The following MSANTD7 variants were observed in gnomAD, a reference collection of about 807,000 sequenced individuals.
MSANTD7 encodes zinc finger and SCAN domain containing 29.
At chr10:14,846,249 T>G in the MSANTD7 span, 20 of 985,274 alleles carry the variant, frequency 2.0e-5, no homozygotes, top group Non-Finnish European at 2.4e-5. Flanking sequence ...GTAGGTAGAT[T>G]TTCTGGAAAC....
chr10:14,840,281 A>G, the MSANTD7 span: 1 of 386,010 alleles, frequency 2.6e-6, no homozygotes, highest in Non-Finnish European at 4.6e-6. Flanking sequence ...TGACTGAGTC[A>G]TTACAGAGAG....
the MSANTD7 span, among the ~76,000 whole-genome samples, chr10:14,840,991 G>A: frequency 1.3e-5 from 2 of 152,138 alleles, no homozygotes; most frequent in Non-Finnish European, 2.9e-5. Context: ...CTCGGCCCCA[G>A]GTTCTTTTCT....
the MSANTD7 span, chr10:14,843,717 C>G: frequency 4.5e-5 from 69 of 1,538,494 alleles, no homozygotes; most frequent in African/African-American, 8.1e-4. Context: ...AAAAACTGGA[C>G]AGGCTGATTG....
the MSANTD7 span, chr10:14,838,402 C>T: frequency 2.3e-5 from 37 of 1,603,602 alleles, no homozygotes; most frequent in Non-Finnish European, 3.0e-5. Context: ...CCTGCTGCCT[C>T]ATGGCGGCCA....
At chr10:14,840,756 G>A in the MSANTD7 span, among the ~76,000 whole-genome samples, 2 of 152,280 alleles carry the variant, frequency 1.3e-5, no homozygotes, top group South Asian at 4.1e-4. Flanking sequence ...ATAATAATTA[G>A]GGGTTTTCAT....
At chr10:14,844,806 G>C in the MSANTD7 span, 9 of 985,234 alleles carry the variant, frequency 9.1e-6, no homozygotes, top group Non-Finnish European at 1.1e-5. Context: ...GTTGCCATTG[G>C]AACATTGTGG....
chr10:14,845,064 T>TGCCTGCAATAGATGACTCCTTTTAA, the MSANTD7 span: 1 of 985,436 alleles, frequency 1.0e-6, no homozygotes, highest in Non-Finnish European at 1.2e-6. Context: ...GGATAAAGAT[T>TGCCTGCAATAGATGACTCCTTTTAA]GCCTGCAATA....
chr10:14,842,142 G>T, the MSANTD7 span: 5 of 1,534,016 alleles, frequency 3.3e-6, no homozygotes, highest in Non-Finnish European at 4.4e-6. The surrounding 1 kb of genome is among the most constrained non-coding windows in gnomAD (Gnocchi z 5.2). Flanking sequence ...AGCCAGAAAT[G>T]CGGTCCTTGG....
At chr10:14,838,387 C>G in the MSANTD7 span, 1 of 1,597,802 alleles carries the variant, frequency 6.3e-7, no homozygotes, top group Middle Eastern at 1.8e-4. Context: ...CCTGCCGCTG[C>G]CGTCCCTGCT....
the MSANTD7 span, chr10:14,846,056 A>T: frequency 1.0e-6 from 1 of 974,304 alleles, no homozygotes; most frequent in East Asian, 1.1e-4. Flanking sequence ...TTAAGGTAGC[A>T]TTCTGTGGTA....
the MSANTD7 span, chr10:14,845,597 TA>T: frequency 6.8e-5 from 59 of 863,736 alleles, no homozygotes; most frequent in African/African-American, 2.8e-4. Context: ...CTATTATTAT[TA>T]TTTTTTTTTT....
the MSANTD7 span, chr10:14,845,178 C>G: frequency 1.0e-6 from 1 of 985,298 alleles, no homozygotes; most frequent in Non-Finnish European, 1.2e-6. Flanking sequence ...CCGATTTACT[C>G]TAGAAGGGAA....
At chr10:14,838,625 C>A in the MSANTD7 span, 5 of 631,958 alleles carry the variant, frequency 7.9e-6, no homozygotes, top group African/African-American at 3.9e-5. Flanking sequence ...CCCGGCCTCG[C>A]GCCTGGCGAT....
the MSANTD7 span, chr10:14,845,141 G>T: frequency 1.0e-6 from 1 of 985,440 alleles, no homozygotes. Flanking sequence ...ACACACTGGG[G>T]AGAGATGAAG....
chr10:14,843,421 G>A, the MSANTD7 span: 4 of 1,550,872 alleles, frequency 2.6e-6, no homozygotes, highest in African/African-American at 1.4e-5. Flanking sequence ...CCTTTTCAGA[G>A]GTGCAGTTGC....
At chr10:14,839,762 T>C in the MSANTD7 span, 1 of 476,700 alleles carries the variant, frequency 2.1e-6, no homozygotes, top group Non-Finnish European at 3.9e-6. Flanking sequence ...AACGAGGAAA[T>C]TAAATGGTAA....
the MSANTD7 span, chr10:14,846,236 T>A: frequency 1.0e-6 from 1 of 985,244 alleles, no homozygotes; most frequent in Non-Finnish European, 1.2e-6. Flanking sequence ...GGTAGGTAGG[T>A]AGGTAGGTAG....
the MSANTD7 span, chr10:14,842,834 T>G: frequency 6.5e-7 from 1 of 1,532,188 alleles, no homozygotes; most frequent in South Asian, 1.2e-5. This position sits in a 1 kb window ranked among gnomAD's most constrained non-coding sequence, Gnocchi z 5.2. Context: ...CTGGGATGAA[T>G]CCTCGGGTGC....
the MSANTD7 span, chr10:14,844,557 A>G: frequency 1.0e-6 from 1 of 985,650 alleles, no homozygotes; most frequent in African/African-American, 1.7e-5. Flanking sequence ...TGACATATCT[A>G]CTAGTAAGCA....
Sources: gnomAD v4.1 joint callset for allele counts (sites outside exome capture counted in the v4.1 genomes callset) on GRCh38, gnomAD v4.1.1 for gene constraint, Gnocchi (gnomAD v3.1) non-coding constraint, MANE v1.5 for transcripts, NCBI Gene and HGNC (gene_info 2026-07-23, HGNC 2026-07-21) for gene names.